Variants in RIMBP2 observed in about 807,000 individuals in gnomAD.
The protein encoded by RIMBP2 is RIMS-binding protein 2.
In RIMBP2, 48 loss-of-function variants were observed where a neutral mutation model predicts 118.6. That is an observed-to-expected ratio of 0.40 (90% CI 0.32 to 0.51). RIMBP2 has a LOEUF of 0.51. Among genes scored for constraint, RIMBP2 ranks in the 20% least tolerant of loss-of-function variants. The pLI, the probability that RIMBP2 is intolerant of heterozygous loss-of-function variation, is 0.41. For missense variants in RIMBP2, 1,551 were observed against 1,768.3 expected (o/e 0.88, Z 2.20); for synonymous variants, 762 against 742.9 (o/e 1.03, Z -0.42).
Position 130,652,759 on chromosome 12 carries a change from C to T in RIMBP2, c.-351-24303G>A, listed in dbSNP as rs183683044. Among the ~76,000 whole-genome samples, 106 of 152,268 alleles carry T rather than the reference C, an allele frequency of 7.0e-4. 1 individual carries two copies. Among genetic ancestry groups the T allele is most frequent in the African/African-American group, 2.2e-3 (91 of 41,544 alleles). ...GTGTACAGGCAGCATGGTGCCAGCA[C>T]CTGCTTCTGGTGAGACCTCACAGAA... is the stretch of plus-strand genomic sequence containing the variant. On this transcript the variant is annotated intron_variant, in intron 1 of 22. Transcript: ENST00000690449.
At chr12:130,455,211 C>A (rs1028430087) in intron 7 of RIMBP2, among the ~76,000 whole-genome samples, 3 of 152,344 alleles carry the variant, frequency 2.0e-5, no homozygotes, top group African/African-American at 7.2e-5. Flanking sequence ...CTGGGAAGAA[C>A]GGAAACCGTC....
At position 130,422,980 on chromosome 12, in the gene RIMBP2, G is replaced by C. The variant is rs2076512750; in HGVS notation, c.3130-419C>G. On this transcript the variant is annotated intron_variant, in intron 16 of 22. Transcript: ENST00000690449. This position sits in a 1 kb window ranked among gnomAD's most constrained non-coding sequence, Gnocchi z 5.2. ...TGGGGAAGATGTTGCAGTTCCTCCT[G>C]TCCTGCTTGGATAAAAGTCGTATGT... Among the ~76,000 whole-genome samples, 1 of 152,128 alleles carries C rather than the reference G, an allele frequency of 6.6e-6. No homozygotes were observed. Among genetic ancestry groups the C allele is most frequent in the African/African-American group, 2.4e-5 (1 of 41,426 alleles).
At chr12:130,522,358 CG>C (rs35346323) in intron 2 of RIMBP2, among the ~76,000 whole-genome samples, 2 of 152,144 alleles carry the variant, frequency 1.3e-5, no homozygotes, top group East Asian at 3.9e-4. Context: ...GCTAGAGGTT[CG>C]GGGAACATGG....
chr12:130,597,723 T>C (rs1413309575), intron 2 of RIMBP2, among the ~76,000 whole-genome samples: 5 of 152,204 alleles, frequency 3.3e-5, no homozygotes, highest in Non-Finnish European at 7.3e-5. Flanking sequence ...AGCAACATGA[T>C]AAGAGAAAGA....
chr12:130,477,354 A>AT (rs36015663), intron 5 of RIMBP2, among the ~76,000 whole-genome samples: 41,995 of 152,108 alleles, frequency 0.28, 6,296 homozygotes, highest in Non-Finnish European at 0.32. Flanking sequence ...CTACAGACTT[A>AT]TATCTGTCTC....
intron 5 of RIMBP2, among the ~76,000 whole-genome samples, chr12:130,477,747 G>A (rs553938018): frequency 7.0e-4 from 106 of 152,348 alleles, no homozygotes; most frequent in African/African-American, 2.4e-3. Context: ...TCGCCCCCCA[G>A]GCTGGGTGAA....
In RIMBP2 at chr12:130,412,701, C is replaced by G. The variant is rs905111194; in HGVS notation, c.3507G>C (p.Glu1169Asp). The change falls in exon 19 of 23, where the codon GAG (glutamate) becomes GAC (aspartate). Residue 1169 changes from glutamate to aspartate, a missense_variant. Transcript: ENST00000690449. ...TCATCTCCTCATCATCTGCTTGTAT[C>G]TCAGAGACCATGTTACAAGGAATAA... The part of the protein sequence containing the change: ...LGLIPCNMVS[E>D]IQADDEEMMD... 2 of 1,613,698 alleles carry G rather than the reference C, an allele frequency of 1.2e-6. No homozygotes were observed. Among genetic ancestry groups the G allele is most frequent in the Non-Finnish European group, 1.7e-6 (2 of 1,179,976 alleles).
intron 2 of RIMBP2, among the ~76,000 whole-genome samples, chr12:130,627,373 G>C (rs1369418982): frequency 6.6e-6 from 1 of 152,226 alleles, no homozygotes; most frequent in East Asian, 1.9e-4. Flanking sequence ...TACTACCCAA[G>C]ATTGTCTCAT....
chr12:130,684,294 T>C (rs1163865725), intron 1 of RIMBP2, among the ~76,000 whole-genome samples: 1 of 152,092 alleles, frequency 6.6e-6, no homozygotes, highest in African/African-American at 2.4e-5. Flanking sequence ...CTTAAATGCA[T>C]TGGACTGATG....
chr12:130,624,927 G>T (rs2061531957), intron 2 of RIMBP2, among the ~76,000 whole-genome samples: 1 of 152,180 alleles, frequency 6.6e-6, no homozygotes, highest in South Asian at 2.1e-4. Flanking sequence ...GTTTCACCAT[G>T]TTGGCCAGGC....
chr12:130,428,415 C>T, intron 14 of RIMBP2, 78 bp from the exon 15 acceptor site: 2 of 1,466,858 alleles, frequency 1.4e-6, no homozygotes, highest in Non-Finnish European at 9.2e-7. Flanking sequence ...GCTTGCCAAC[C>T]CTTTCCCTGC....
chr12:130,697,436 T>C (rs760734938), intron 1 of RIMBP2, among the ~76,000 whole-genome samples: 1 of 151,994 alleles, frequency 6.6e-6, no homozygotes, highest in Non-Finnish European at 1.5e-5. Context: ...GGCGAGAGGA[T>C]TGCTTGAGCC....
chr12:130,679,442 C>A (rs539936687), intron 1 of RIMBP2, among the ~76,000 whole-genome samples: 33 of 152,322 alleles, frequency 2.2e-4, no homozygotes, highest in Admixed American at 8.5e-4. Flanking sequence ...TCACAATCGC[C>A]TTTTTAAACA....
chr12:130,698,314 C>G (rs1188053028), intron 1 of RIMBP2, among the ~76,000 whole-genome samples: 1 of 152,210 alleles, frequency 6.6e-6, no homozygotes, highest in African/African-American at 2.4e-5. Context: ...AACTTGCTCA[C>G]TTCAGAAGGC....
At chr12:130,595,074 G>A (rs1038036532) in intron 2 of RIMBP2, among the ~76,000 whole-genome samples, 3 of 152,168 alleles carry the variant, frequency 2.0e-5, no homozygotes, top group African/African-American at 7.2e-5. Context: ...TTACCCCTGA[G>A]CAAGTAAAAG....
intron 1 of RIMBP2, among the ~76,000 whole-genome samples, chr12:130,631,879 G>C (rs2062016720): frequency 6.6e-6 from 1 of 152,064 alleles, no homozygotes. Flanking sequence ...AACTACTGTT[G>C]CAGCACAAAA....
intron 22 of RIMBP2, chr12:130,397,864 A>G (rs1203098916): frequency 5.0e-6 from 1 of 199,584 alleles, no homozygotes; most frequent in Non-Finnish European, 1.0e-5. Flanking sequence ...ATGATCTGAA[A>G]TTAGGTTGAT....
chr12:130,577,914 G>A lies in RIMBP2; in HGVS notation c.-217+50408C>T, dbSNP rs146312605. 5.3e-5 allele frequency among the ~76,000 whole-genome samples: 8 copies of A among 152,186 alleles called. No individual in the cohort carries two copies. The East Asian group carries it at 1.5e-3, about 29-fold the overall frequency. ...GTAACGTAACCTTTGTGGTATACAGGTAACTATATGCCGATTAGCTTGATA... is the reference window on the plus strand; with the variant it reads ...GTAACGTAACCTTTGTGGTATACAGATAACTATATGCCGATTAGCTTGATA... On this transcript the variant is annotated intron_variant, in intron 2 of 22. Transcript: ENST00000690449.
intron 2 of RIMBP2, among the ~76,000 whole-genome samples, chr12:130,584,844 T>C (rs2058779492): frequency 1.5e-5 from 1 of 66,540 alleles, no homozygotes. Context: ...TTATTTTGTA[T>C]TAAAATTTCA....
Sources: allele counts gnomAD v4.1 joint callset (sites outside exome capture counted in the v4.1 genomes callset), GRCh38; gene constraint gnomAD v4.1.1; non-coding constraint Gnocchi (gnomAD v3.1); transcripts MANE v1.5; gene names NCBI Gene and HGNC (gene_info 2026-07-23, HGNC 2026-07-21).